The following PFKM variants were observed in gnomAD, a reference collection of about 807,000 sequenced individuals.
PFKM encodes the protein phosphofructokinase, muscle, also known as ATP-dependent 6-phosphofructokinase, muscle type.
A neutral mutation model predicts 95.5 loss-of-function variants in PFKM; 58 were observed. The ratio of observed to expected loss-of-function variants is 0.61; its 90% CI spans 0.49 to 0.76. The LOEUF (loss-of-function observed/expected upper bound fraction) is 0.76, where lower values mean the gene tolerates loss of function less well. Ranked by LOEUF, PFKM falls within the 30% of genes least tolerant of loss-of-function variation. The pLI, the probability that PFKM is intolerant of heterozygous loss-of-function variation, is 0.00. For missense variants in PFKM, 678 were observed against 1,005.4 expected, an observed-to-expected ratio of 0.67 and a Z score of 4.40; for synonymous variants, 336 against 357.2, an observed-to-expected ratio of 0.94 and a Z score of 0.67.
chr12:48,117,703 A>G (rs1249150411), upstream of PFKM, among the ~76,000 whole-genome samples: 1 of 152,220 alleles, frequency 6.6e-6, no homozygotes, highest in African/African-American at 2.4e-5. Context: ...AAACTGTAAA[A>G]CATTTGAAGA....
At position 48,141,278 on chromosome 12, in the gene PFKM, C is replaced by T. The variant is rs377724710; in HGVS notation, c.1342-33C>T. ...CCACACAGGCCTCCTAGTGCTTTAG[C>T]CTTGTGCAGAGCTCTGTGGCTTATC... On this transcript the variant is annotated intron_variant, in intron 14 of 22. Coordinates refer to ENST00000359794, the MANE Select transcript of PFKM (RefSeq NM_000289.6). 6.5e-4 allele frequency: 1,048 copies of T among 1,600,676 alleles called. 1 individual carries two copies. The highest frequency in any genetic ancestry group is 8.2e-4 in the Non-Finnish European group (956 of 1,167,854).
intron 14 of PFKM, among the ~76,000 whole-genome samples, chr12:48,141,103 G>T (rs1950542733): frequency 3.3e-5 from 5 of 152,222 alleles, no homozygotes; most frequent in Admixed American, 3.3e-4. Context: ...GCTCAGCACA[G>T]TGCCTGGCAT....
intron 4 of PFKM, chr12:48,132,227 C>T: frequency 2.8e-6 from 1 of 357,872 alleles, no homozygotes; most frequent in Non-Finnish European, 5.5e-6. Flanking sequence ...TATACTTTCT[C>T]TCAGGGATAG....
intron 20 of PFKM, 47 bp from the exon 21 acceptor site, chr12:48,144,984 C>CT (rs763437148): frequency 7.5e-7 from 1 of 1,325,858 alleles, no homozygotes; most frequent in Non-Finnish European, 1.1e-6. Context: ...ATCTCTGCCA[C>CT]TTCATTAGAG....
upstream of PFKM, chr12:48,105,485 C>T: frequency 3.9e-6 from 2 of 519,052 alleles, no homozygotes; most frequent in Non-Finnish European, 7.7e-6. Flanking sequence ...ACGTTTCTTT[C>T]TGATGGTGGC....
chr12:48,114,552 G>A (rs1947503311), upstream of PFKM, among the ~76,000 whole-genome samples: 2 of 152,096 alleles, frequency 1.3e-5, no homozygotes, highest in South Asian at 4.1e-4. Context: ...AGCGACCTGA[G>A]GAGGAGCAGT....
chr12:48,137,555 T>G, intron 10 of PFKM, 166 bp from the exon 11 acceptor site: 1 of 725,714 alleles, frequency 1.4e-6, no homozygotes, highest in Non-Finnish European at 2.4e-6. Context: ...AAGCTTTAGA[T>G]GAAATCTGTT....
intron 2 of PFKM, among the ~76,000 whole-genome samples, chr12:48,129,291 G>A (rs1949199776): frequency 8.2e-6 from 1 of 122,100 alleles, no homozygotes; most frequent in Non-Finnish European, 1.6e-5. Flanking sequence ...AAACTCCTAG[G>A]CTCAAGCAGT....
intron 10 of PFKM, among the ~76,000 whole-genome samples, chr12:48,137,006 G>A (rs1215795565): frequency 1.3e-5 from 2 of 149,226 alleles, no homozygotes; most frequent in Admixed American, 6.7e-5. Flanking sequence ...TGCCTGCCTC[G>A]GCCTCCCAAA....
chr12:48,120,521 A>G (rs1308849964), intron 1 of PFKM, among the ~76,000 whole-genome samples: 1 of 152,196 alleles, frequency 6.6e-6, no homozygotes, highest in Non-Finnish European at 1.5e-5. Context: ...CATCCAGTCC[A>G]GTGGTTGGCA....
rs540235521 is a variant in PFKM at position 48,126,842 on chromosome 12, G to A, written c.86-3521G>A. 5.7e-4 allele frequency among the ~76,000 whole-genome samples: 87 copies of A among 152,328 alleles called. 1 individual carries two copies. The South Asian group carries it at 0.017, about 30-fold the overall frequency. The stretch of plus-strand genomic sequence containing the variant: ...TTCATATCTATTCTGATCTTATTGA[G>A]CTAACTTTATTCATCTTTCCTAAAG... On this transcript the variant is annotated intron_variant, in intron 2 of 22. Transcript: ENST00000359794.
chr12:48,132,242 C>A (rs902032096), intron 4 of PFKM: 2 of 348,730 alleles, frequency 5.7e-6, no homozygotes, highest in Non-Finnish European at 1.1e-5. Context: ...GGATAGAAAG[C>A]CTTAATTTCC....
chr12:48,105,718 G>C, upstream of PFKM: 1 of 501,724 alleles, frequency 2.0e-6, no homozygotes, highest in Non-Finnish European at 3.6e-6. Flanking sequence ...CTTTCCCCAA[G>C]TACGGCTGGG....
At chr12:48,143,065 T>C (rs1950714285) in intron 18 of PFKM, 119 bp downstream of exon 18, 2 of 954,116 alleles carry the variant, frequency 2.1e-6, no homozygotes, top group South Asian at 2.8e-5. Flanking sequence ...TAGAATCCTG[T>C]GAAGACCAGA....
At chr12:48,139,476 A>T in intron 12 of PFKM, 127 bp downstream of exon 12, 1 of 765,594 alleles carries the variant, frequency 1.3e-6, no homozygotes, top group Non-Finnish European at 2.3e-6. Context: ...CTCTGCAGCA[A>T]GTTCCTGCCC....
chr12:48,145,400 C>CTTTT lies in PFKM; in HGVS notation c.2198+94_2198+97dup. ...CTCAACCTGTTCACTGTCTTTAATT[C>CTTTT]TTTTTTTTTTTTAAGGAGTAACACC... On this transcript the variant is annotated intron_variant, in intron 22 of 22. Transcript: ENST00000359794. The surrounding 1 kb of genome is among the most constrained non-coding windows in gnomAD (Gnocchi z 4.3). The CTTTT allele has an allele frequency of 8.8e-7, 1 of 1,131,762 alleles. No homozygotes were observed. Among genetic ancestry groups the CTTTT allele is most frequent in the Non-Finnish European group, 1.3e-6 (1 of 777,160 alleles). The allele number at this position is 1,131,762 out of a possible 1,614,324, so 70.1% of individuals were successfully genotyped here.
At chr12:48,131,520 A>G in intron 4 of PFKM, 127 bp downstream of exon 4, 1 of 757,532 alleles carries the variant, frequency 1.3e-6, no homozygotes, top group Non-Finnish European at 2.4e-6. Context: ...GTGACAAGAG[A>G]GGGACCCTAT....
In PFKM at chr12:48,142,055, A is replaced by G; in HGVS notation, c.1642A>G (p.Thr548Ala). Residue 548 changes from threonine to alanine, a missense_variant, in exon 17 of 23, where the codon ACT (threonine) becomes GCT (alanine). Physicochemically the swap from Thr to Ala is moderately conservative, Grantham distance 58. Coordinates refer to ENST00000359794, the MANE Select transcript of PFKM (RefSeq NM_000289.6). ...FSVGADTALN[T>A]ICTTCDRIKQ... The stretch of plus-strand genomic sequence containing the variant: ...CGTTGGGGCTGACACAGCACTCAAT[A>G]CTATCTGCACAGTGAGAGCCTATCA... The G allele has an allele frequency of 1.2e-6, 2 of 1,614,180 alleles. No homozygotes were observed. Among genetic ancestry groups the G allele is most frequent in the South Asian group, 2.2e-5 (2 of 91,074 alleles).
intron 1 of PFKM, among the ~76,000 whole-genome samples, chr12:48,106,925 TAA>T (rs1946697197): frequency 6.6e-6 from 1 of 152,228 alleles, no homozygotes; most frequent in Non-Finnish European, 1.5e-5. Flanking sequence ...ACACATTGAT[TAA>T]CCTGGAATCT....
Sources: gnomAD v4.1 joint callset for allele counts (sites outside exome capture counted in the v4.1 genomes callset) on GRCh38, gnomAD v4.1.1 for gene constraint, Gnocchi (gnomAD v3.1) non-coding constraint, MANE v1.5 for transcripts, NCBI Gene and HGNC (gene_info 2026-07-23, HGNC 2026-07-21) for gene names.